The following KCTD20 variants were observed in gnomAD, a reference collection of about 807,000 sequenced individuals.
KCTD20 encodes BTB/POZ domain-containing protein KCTD20.
In KCTD20, 30 loss-of-function variants were observed where a neutral mutation model predicts 39.6. The observed-to-expected ratio is 0.76, with a 90% confidence interval of 0.57 to 1.03. The LOEUF is 1.03. KCTD20 is among the 50% of genes least tolerant of loss of function. The pLI is 0.00. For synonymous variants in KCTD20, 162 were observed against 180.6 expected (o/e 0.90, Z 0.83); for missense variants, 422 against 522.0 (o/e 0.81, Z 1.87).
chr6:36,466,384 CTTT>C (rs397745312), intron 1 of KCTD20, among the ~76,000 whole-genome samples: 4 of 138,690 alleles, frequency 2.9e-5, no homozygotes, highest in Non-Finnish European at 3.1e-5. Flanking sequence ...CTTTTTTTCT[CTTT>C]TTTTTTTTTT....
chr6:36,474,647 G>A (rs1227233281), intron 2 of KCTD20, 142 bp from the exon 3 acceptor site: 2 of 647,334 alleles, frequency 3.1e-6, no homozygotes, highest in Non-Finnish European at 5.0e-6. Flanking sequence ...ACTTGCTGTA[G>A]GCAAGAGGTT....
intron 1 of KCTD20, among the ~76,000 whole-genome samples, chr6:36,448,863 T>C (rs1775140371): frequency 6.6e-6 from 1 of 152,118 alleles, no homozygotes; most frequent in Non-Finnish European, 1.5e-5. Flanking sequence ...TTCCTTCCAG[T>C]GGGTTCGTGG....
chr6:36,471,776 C>CA (rs1775916032), intron 2 of KCTD20, among the ~76,000 whole-genome samples: 1 of 151,988 alleles, frequency 6.6e-6, no homozygotes, highest in African/African-American at 2.4e-5. Flanking sequence ...GGAATAAACC[C>CA]ATTTTAATTG....
Position 36,487,241 on chromosome 6 carries a change from C to G in KCTD20, c.*66C>G. The G allele has an allele frequency of 2.0e-6, 3 of 1,514,968 alleles. No homozygotes were observed. The highest frequency in any genetic ancestry group is 1.3e-5 in the South Asian group (1 of 79,442). 93.8% of individuals were successfully genotyped at this position (1,514,968 alleles called of 1,614,324 possible). ...CTGGGATGCCTGCAGCCAGCCCTCC[C>G]TCGTGATTTGTCTCACCTTGAGTAG... On this transcript the variant is annotated 3_prime_UTR_variant, in exon 8 of 8. Coordinates refer to ENST00000373731, the MANE Select transcript of KCTD20 (RefSeq NM_173562.5).
intron 1 of KCTD20, among the ~76,000 whole-genome samples, chr6:36,444,957 T>C (rs1774993565): frequency 6.6e-6 from 1 of 152,160 alleles, no homozygotes; most frequent in South Asian, 2.1e-4. Context: ...AGTAGTTAGG[T>C]CAGTCTTAAA....
At chr6:36,448,484 T>C (rs939876087) in intron 1 of KCTD20, among the ~76,000 whole-genome samples, 4 of 152,206 alleles carry the variant, frequency 2.6e-5, no homozygotes, top group African/African-American at 7.2e-5. Context: ...AAATCTCTTT[T>C]TTACAGGGAG....
Position 36,460,119 on chromosome 6 carries a change from G to C in KCTD20, c.-46-9933G>C, listed in dbSNP as rs147667712. On this transcript the variant is annotated intron_variant, in intron 1 of 7. Coordinates refer to ENST00000373731, the MANE Select transcript of KCTD20 (RefSeq NM_173562.5). ...TGGAAATTCTATTATATGTTGACCA[G>C]CTTTTTTGTAGGAGTCGTGAGCTTT... Among the ~76,000 whole-genome samples the C allele has an allele frequency of 1.9e-3, 286 of 152,264 alleles. 1 individual carries two copies. Among genetic ancestry groups the C allele is most frequent in the African/African-American group, 6.5e-3 (269 of 41,544 alleles).
chr6:36,466,736 T>C (rs893447935), intron 1 of KCTD20, among the ~76,000 whole-genome samples: 7 of 151,752 alleles, frequency 4.6e-5, no homozygotes, highest in East Asian at 1.9e-4. Context: ...AGGACGAAGA[T>C]TCATTTGGGG....
intron 1 of KCTD20, among the ~76,000 whole-genome samples, chr6:36,454,407 T>C (rs940020099): frequency 1.7e-4 from 26 of 151,574 alleles, no homozygotes; most frequent in Admixed American, 7.9e-4. Context: ...AGTGGCGTGA[T>C]CTCAGCTCAC....
intron 1 of KCTD20, among the ~76,000 whole-genome samples, chr6:36,448,276 A>C (rs1236110409): frequency 6.6e-6 from 1 of 152,120 alleles, no homozygotes; most frequent in African/African-American, 2.4e-5. Context: ...AATAGGAATG[A>C]AATTTGAATT....
chr6:36,449,248 CAG>C (rs1775157315), intron 1 of KCTD20, among the ~76,000 whole-genome samples: 2 of 152,152 alleles, frequency 1.3e-5, no homozygotes, highest in African/African-American at 4.8e-5. Context: ...TAGCTAGACA[CAG>C]AGCGCTGATT....
chr6:36,463,547 ATTG>A (rs764679137), intron 1 of KCTD20, among the ~76,000 whole-genome samples: 1 of 152,202 alleles, frequency 6.6e-6, no homozygotes, highest in Non-Finnish European at 1.5e-5. Flanking sequence ...TCCCTCCAAA[ATTG>A]TTGTGTTGGA....
chr6:36,456,870 G>A (rs1004275540), intron 1 of KCTD20, among the ~76,000 whole-genome samples: 1 of 152,092 alleles, frequency 6.6e-6, no homozygotes, highest in Non-Finnish European at 1.5e-5. Context: ...GTCTTGGTGT[G>A]TTGTCCAGGC....
chr6:36,465,377 GT>G (rs202238713), intron 1 of KCTD20, among the ~76,000 whole-genome samples: 3 of 143,132 alleles, frequency 2.1e-5, no homozygotes, highest in South Asian at 2.2e-4. Context: ...ATTCCAATTA[GT>G]TTTTTTTTGT....
At chr6:36,475,391 G>A (rs538991506) in intron 3 of KCTD20, among the ~76,000 whole-genome samples, 2 of 151,908 alleles carry the variant, frequency 1.3e-5, no homozygotes, top group South Asian at 4.2e-4. Flanking sequence ...GGAGGTTGCA[G>A]TGAGCCGAGA....
At chr6:36,454,298 G>C (rs1053293920) in intron 1 of KCTD20, among the ~76,000 whole-genome samples, 1 of 151,276 alleles carries the variant, frequency 6.6e-6, no homozygotes, top group African/African-American at 2.4e-5. Context: ...GACTGCTTTT[G>C]CTCTATAATA....
chr6:36,486,157 C>T (rs1323622242), intron 7 of KCTD20, among the ~76,000 whole-genome samples: 7 of 152,130 alleles, frequency 4.6e-5, no homozygotes, highest in Admixed American at 3.9e-4. Flanking sequence ...ATCCTCCTGC[C>T]TTGGCCTCCC....
chr6:36,451,141 C>T (rs1775241990), intron 1 of KCTD20: 1 of 152,202 alleles, frequency 6.6e-6, no homozygotes, highest in Admixed American at 6.5e-5. Context: ...AACTTCTGGG[C>T]TCAAGTGATC....
chr6:36,485,497 T>A (rs961257508), intron 7 of KCTD20, among the ~76,000 whole-genome samples: 4 of 142,510 alleles, frequency 2.8e-5, no homozygotes, highest in Non-Finnish European at 6.2e-5. Flanking sequence ...TCTTTTTTTT[T>A]TTTTTTTTTT....
Sources: allele counts gnomAD v4.1 joint callset (sites outside exome capture counted in the v4.1 genomes callset), GRCh38; gene constraint gnomAD v4.1.1; transcripts MANE v1.5; gene names NCBI Gene and HGNC (gene_info 2026-07-23, HGNC 2026-07-21).